Variants in FMO2 observed in about 807,000 individuals in gnomAD.
The protein encoded by FMO2 is flavin containing dimethylaniline monoxygenase 2.
FMO2 carries 33 observed loss-of-function variants against 41.6 expected under a neutral mutation model. That is an observed-to-expected ratio of 0.79 (90% confidence interval 0.60 to 1.06). The LOEUF (loss-of-function observed/expected upper bound fraction) is 1.06, where lower values mean the gene tolerates loss of function less well. FMO2 is among the 50% of genes least tolerant of loss of function. FMO2 has a pLI of 0.00. For missense variants in FMO2, 619 were observed against 632.9 expected (o/e 0.98, Z 0.23); for synonymous variants, 214 against 219.6 (o/e 0.97, Z 0.23).
intron 5 of FMO2, among the ~76,000 whole-genome samples, chr1:171,200,004 ACCACAC>A (rs1359322058): frequency 6.6e-6 from 1 of 152,194 alleles, no homozygotes; most frequent in Admixed American, 6.5e-5. Context: ...GGCATGCACA[ACCACAC>A]CCAGCCAAGA....
At chr1:171,201,167 C>A (rs1473150069) in intron 5 of FMO2, among the ~76,000 whole-genome samples, 22 of 152,128 alleles carry the variant, frequency 1.4e-4, no homozygotes, top group Non-Finnish European at 1.5e-5. Context: ...TTGTTTCCAT[C>A]TCCCTCTATC....
At chr1:171,202,869 C>T (rs1658588943) in intron 5 of FMO2, among the ~76,000 whole-genome samples, 1 of 152,096 alleles carries the variant, frequency 6.6e-6, no homozygotes, top group Non-Finnish European at 1.5e-5. Context: ...TTCAAGTATG[C>T]ATTTGGCCAA....
At chr1:171,207,845 T>TCTAA in intron 8 of FMO2, 55 bp downstream of exon 8, 2 of 1,157,260 alleles carry the variant, frequency 1.7e-6, no homozygotes, top group Non-Finnish European at 2.6e-6. Context: ...AGTACAGTGA[T>TCTAA]CTAACTACTT....
rs2020865 is a variant in FMO2, at chr1:171,207,773, T to G, written c.1239T>G (p.Asn413Lys). The G allele has an allele frequency of 0.057, 90,887 of 1,603,018 alleles. 5,042 individuals are homozygous for G. The highest frequency in any genetic ancestry group is 0.29 in the African/African-American group (21,771 of 74,230). Residue 413 changes from asparagine to lysine, a missense_variant, in exon 8 of 9, where the codon AAT becomes AAG. Coordinates refer to ENST00000209929, the MANE Select transcript of FMO2 (RefSeq NM_001460.5). ...TGATGATGGACATTATCAAAAGGAATGAAAAAAGAATTGACCTGTAAGAAT... is the reference window on the plus strand; with the variant it reads ...TGATGATGGACATTATCAAAAGGAAGGAAAAAAGAATTGACCTGTAAGAAT... ...RTMMMDIIKR[N>K]EKRIDLFGES...
intron 4 of FMO2, 54 bp downstream of exon 4, chr1:171,196,865 A>G (rs1658332792): frequency 3.2e-6 from 5 of 1,540,532 alleles, no homozygotes; most frequent in Non-Finnish European, 4.4e-6. Flanking sequence ...GGTACTTTAT[A>G]TGTAGTTTGG....
chr1:171,199,603 C>T (rs993005732), intron 5 of FMO2, 115 bp downstream of exon 5: 68 of 937,812 alleles, frequency 7.3e-5, no homozygotes, highest in Admixed American at 8.3e-5. Context: ...TGGTTGGTAG[C>T]GCATTGTGGC....
At chr1:171,188,735 G>A (rs1321352585) in intron 2 of FMO2, among the ~76,000 whole-genome samples, 3 of 152,072 alleles carry the variant, frequency 2.0e-5, no homozygotes, top group Non-Finnish European at 4.4e-5. Context: ...AACTCCTACT[G>A]GGATTACTTA....
intron 2 of FMO2, among the ~76,000 whole-genome samples, chr1:171,187,075 T>C (rs1431745661): frequency 6.6e-6 from 1 of 152,236 alleles, no homozygotes; most frequent in African/African-American, 2.4e-5. Flanking sequence ...TTAAGTGAGA[T>C]GGCCAGGGCC....
intron 2 of FMO2, among the ~76,000 whole-genome samples, chr1:171,189,877 G>A (rs887784574): frequency 5.3e-5 from 8 of 152,060 alleles, no homozygotes; most frequent in Admixed American, 1.3e-4. Flanking sequence ...GTAGGACAAG[G>A]AAGTAAGAAG....
chr1:171,204,068 G>A lies in FMO2; in HGVS notation c.827+4G>A. 6.2e-7 allele frequency: 1 copy of A among 1,611,462 alleles called. No individual in the cohort carries two copies. Among genetic ancestry groups the A allele is most frequent in the Non-Finnish European group, 8.5e-7 (1 of 1,177,824 alleles). ...ATGGCCTTGAGCCTCAAAACAAGTA[G>A]AGTTATTTTGCTTTTTTAATGGTAT... On this transcript the variant is annotated splice_donor_region_variant and intron_variant, in intron 6 of 8. Coordinates refer to ENST00000209929, the MANE Select transcript of FMO2 (RefSeq NM_001460.5).
At chr1:171,206,524 TG>T in intron 7 of FMO2, among the ~76,000 whole-genome samples, 1 of 152,326 alleles carries the variant, frequency 6.6e-6, no homozygotes, top group East Asian at 1.9e-4. Flanking sequence ...AGACATGCTA[TG>T]GAGCTTAGAT....
chr1:171,204,325 T>C (rs1658664572), intron 6 of FMO2, among the ~76,000 whole-genome samples: 1 of 152,178 alleles, frequency 6.6e-6, no homozygotes, highest in Admixed American at 6.6e-5. Context: ...CCCAGAGTTA[T>C]CTAACATTGG....
intron 3 of FMO2, among the ~76,000 whole-genome samples, chr1:171,194,346 C>A (rs1658215442): frequency 6.6e-6 from 1 of 152,178 alleles, no homozygotes; most frequent in South Asian, 2.1e-4. Flanking sequence ...CTTGGAATTA[C>A]CTTTTCCTGT....
At chr1:171,200,655 G>A (rs1330948612) in intron 5 of FMO2, among the ~76,000 whole-genome samples, 1 of 152,178 alleles carries the variant, frequency 6.6e-6, no homozygotes, top group Non-Finnish European at 1.5e-5. Context: ...CAGTCAGTTA[G>A]TTAGTGCCAG....
At chr1:171,193,910 G>T (rs1339723339) in intron 3 of FMO2, among the ~76,000 whole-genome samples, 2 of 152,020 alleles carry the variant, frequency 1.3e-5, no homozygotes, top group Non-Finnish European at 2.9e-5. Flanking sequence ...CTCCAGAGTA[G>T]CTGGGATTAC....
At chr1:171,185,571 C>G in intron 1 of FMO2, 137 bp from the exon 2 acceptor site, 1 of 805,324 alleles carries the variant, frequency 1.2e-6, no homozygotes, top group Admixed American at 2.6e-5. Flanking sequence ...GGATTTTTGA[C>G]TGGCTCTTTA....
chr1:171,187,191 T>C (rs1657888365), intron 2 of FMO2, among the ~76,000 whole-genome samples: 1 of 152,134 alleles, frequency 6.6e-6, no homozygotes, highest in South Asian at 2.1e-4. Context: ...TCAAAAAGAT[T>C]AAACAAAAGT....
intron 5 of FMO2, among the ~76,000 whole-genome samples, chr1:171,202,658 C>A (rs1271504544): frequency 6.6e-6 from 1 of 152,170 alleles, no homozygotes; most frequent in Non-Finnish European, 1.5e-5. Flanking sequence ...AACTGAGGCA[C>A]AGAGAGATTG....
At chr1:171,190,802 G>A (rs1455287507) in intron 2 of FMO2, among the ~76,000 whole-genome samples, 1 of 152,170 alleles carries the variant, frequency 6.6e-6, no homozygotes, top group Admixed American at 6.5e-5. Context: ...CACATATGAA[G>A]ACAAGGGGGT....
Sources: allele counts gnomAD v4.1 joint callset (sites outside exome capture counted in the v4.1 genomes callset), GRCh38; gene constraint gnomAD v4.1.1; transcripts MANE v1.5; gene names NCBI Gene and HGNC (gene_info 2026-07-23, HGNC 2026-07-21).